ZFHX4: variants seen among roughly 807,000 people sequenced by gnomAD.
ZFHX4 encodes zinc finger homeobox protein 4.
In ZFHX4, 56 loss-of-function variants were observed where a neutral mutation model predicts 267.6. The ratio of observed to expected loss-of-function variants is 0.21; its 90% CI spans 0.17 to 0.26. ZFHX4 has a LOEUF of 0.26. Ranked by LOEUF, ZFHX4 falls within the 10% of genes least tolerant of loss-of-function variation. ZFHX4 has a pLI of 1.00. For missense variants in ZFHX4, 4,332 were observed against 4,420.0 expected (o/e 0.98, Z 0.56); for synonymous variants, 1,778 against 1,665.6 (o/e 1.07, Z -1.64).
chr8:76,729,010 A>T (rs1808929540), intron 3 of ZFHX4, among the ~76,000 whole-genome samples: 1 of 152,220 alleles, frequency 6.6e-6, no homozygotes, highest in East Asian at 1.9e-4. Context: ...AAGGTCAAAG[A>T]TAATTTAATG....
chr8:76,766,470 T>C (rs997324420), intron 3 of ZFHX4, among the ~76,000 whole-genome samples: 1 of 152,094 alleles, frequency 6.6e-6, no homozygotes, highest in Non-Finnish European at 1.5e-5. Context: ...AACTTAAATA[T>C]ATGAATATTA....
Position 76,778,231 on chromosome 8 carries a change from A to G in ZFHX4, c.3117A>G (p.Ala1039=). ...LYKHLQKQEG[A]VNPESCYYYC... ...AGCACTTGCAGAAGCAAGAGGGTGC[A>G]GTGAATCCCGAATCCTGCTATTACT... The change falls in exon 4 of 11, where the codon GCA becomes GCG. Residue 1039 remains alanine, a synonymous_variant. Coordinates refer to ENST00000651372, the MANE Select transcript of ZFHX4 (RefSeq NM_024721.5). The G allele has an allele frequency of 6.2e-7, 1 of 1,613,208 alleles. No homozygotes were observed. The highest frequency in any genetic ancestry group is 8.5e-7 in the Non-Finnish European group (1 of 1,179,252).
Position 76,704,102 on chromosome 8 carries a change from A to G in ZFHX4, c.14A>G (p.Asp5Gly), listed in dbSNP as rs1178421209. The G allele has an allele frequency of 6.2e-7, 1 of 1,607,076 alleles. No homozygotes were observed. Among genetic ancestry groups the G allele is most frequent in the Admixed American group, 1.7e-5 (1 of 59,262 alleles). Residue 5 changes from aspartate (D) to glycine (G), a missense_variant, in exon 2 of 11, where the codon GAC (aspartate) becomes GGC (glycine). Around this residue, in one of 7 missense-constraint regions of ZFHX4, gnomAD observed 1,195 missense variants for 1,173.6 expected, o/e 1.02. Coordinates refer to ENST00000651372, the MANE Select transcript of ZFHX4 (RefSeq NM_024721.5). Reference protein sequence around the residue: METCDSPPISRQENG... With the variant: METCGSPPISRQENG... ...GTAGCAATTGCCATGGAAACCTGTG[A>G]CTCCCCTCCTATCTCAAGGCAGGAA...
At chr8:76,850,601 C>T (rs1332762169) in intron 9 of ZFHX4, among the ~76,000 whole-genome samples, 1 of 152,166 alleles carries the variant, frequency 6.6e-6, no homozygotes, top group Non-Finnish European at 1.5e-5. Flanking sequence ...TCATGAACAC[C>T]AAGGGATGGC....
chr8:76,718,390 G>A (rs574053496), intron 3 of ZFHX4, among the ~76,000 whole-genome samples: 1 of 152,230 alleles, frequency 6.6e-6, no homozygotes, highest in South Asian at 2.1e-4. Flanking sequence ...GAGAAGAAAT[G>A]TGTCTAAAGG....
chr8:76,817,062 A>C (rs1010675840), intron 4 of ZFHX4, among the ~76,000 whole-genome samples: 41 of 151,954 alleles, frequency 2.7e-4, no homozygotes, highest in Admixed American at 5.9e-4. Flanking sequence ...GAAACACTTT[A>C]AAAAAAAGGT....
chr8:76,706,445 T>C lies in ZFHX4; in HGVS notation c.2357T>C (p.Met786Thr), dbSNP rs377486621. Reference sequence around the variant, plus strand: ...GTCGCCAGGAACCTCCGAATTCATATGACCAGCGAAAAGCACATGCATAAT... The same window carrying C: ...GTCGCCAGGAACCTCCGAATTCATACGACCAGCGAAAAGCACATGCATAAT... Reference protein sequence around the residue: ...TNVARNLRIHMTSEKHMHNMM... With the variant: ...TNVARNLRIHTTSEKHMHNMM... Residue 786 changes from methionine to threonine, a missense_variant, in exon 2 of 11, where the codon ATG (methionine) becomes ACG (threonine). By Grantham distance (81) the Met-to-Thr change is moderately conservative (BLOSUM62 -1). Transcript: ENST00000651372. 3 of 1,614,062 alleles carry C rather than the reference T, an allele frequency of 1.9e-6. No homozygotes were observed. Among genetic ancestry groups the C allele is most frequent in the African/African-American group, 2.7e-5 (2 of 74,952 alleles).
intron 3 of ZFHX4, among the ~76,000 whole-genome samples, chr8:76,730,173 A>G (rs549481024): frequency 2.7e-4 from 41 of 152,306 alleles, no homozygotes; most frequent in African/African-American, 9.4e-4. Context: ...CCTGGCAGAC[A>G]GGCAATATTA....
In ZFHX4 at chr8:76,849,135, A is replaced by T. The variant is rs777602837; in HGVS notation, c.3645+7A>T. 2.6e-6 allele frequency: 4 copies of T among 1,543,802 alleles called. No individual in the cohort carries two copies. The highest frequency in any genetic ancestry group is 2.6e-6 in the Non-Finnish European group (3 of 1,145,360). ...TAAATTCTGTCATGAACAGGTAAAT[A>T]CTTTTTTTCCCCTTTACTGTGTAAA... On this transcript the variant is annotated splice_region_variant and intron_variant, in intron 7 of 10. Coordinates refer to ENST00000651372, the MANE Select transcript of ZFHX4 (RefSeq NM_024721.5).
intron 3 of ZFHX4, among the ~76,000 whole-genome samples, chr8:76,720,513 C>T (rs1808691455): frequency 6.6e-6 from 1 of 152,114 alleles, no homozygotes; most frequent in Non-Finnish European, 1.5e-5. Context: ...GCTCTCTTTT[C>T]TCTTAGGGTA....
In ZFHX4 at chr8:76,852,691, T is replaced by A; in HGVS notation, c.5770T>A (p.Tyr1924Asn). The A allele has an allele frequency of 6.2e-7, 1 of 1,613,810 alleles. No homozygotes were observed. The highest frequency in any genetic ancestry group is 8.5e-7 in the Non-Finnish European group (1 of 1,179,830). Residue 1924 changes from tyrosine to asparagine, a missense_variant, in exon 10 of 11, where the codon TAT (tyrosine) becomes AAT (asparagine). Around this residue, in one of 7 missense-constraint regions of ZFHX4, gnomAD observed 1,371 missense variants for 1,423.1 expected, o/e 0.96. Transcript: ENST00000651372. ...CTTTGGTTTTGAACTGGTCATTCAG[T>A]ATAACGAAAACAGGCAGAAGGTACA... ...ENFGFELVIQ[Y>N]NENRQKVQKK...
At chr8:76,735,338 G>A (rs1809130653) in intron 3 of ZFHX4, among the ~76,000 whole-genome samples, 1 of 152,050 alleles carries the variant, frequency 6.6e-6, no homozygotes, top group Non-Finnish European at 1.5e-5. Flanking sequence ...AGTGTTACAA[G>A]AATATCCGGG....
intron 3 of ZFHX4, among the ~76,000 whole-genome samples, chr8:76,739,599 G>A (rs535825192): frequency 1.3e-5 from 2 of 152,002 alleles, no homozygotes; most frequent in East Asian, 3.9e-4. Context: ...TGTTTAATTG[G>A]GCCTAAGAAT....
At chr8:76,731,855 A>ACATTATTATTATTATTAT (rs2131663437) in intron 3 of ZFHX4, among the ~76,000 whole-genome samples, 1 of 110,138 alleles carries the variant, frequency 9.1e-6, no homozygotes, top group Admixed American at 1.1e-4. Context: ...TTGGTGCCAC[A>ACATTATTATTATTATTAT]CATTATTATT....
At chr8:76,801,006 A>T (rs1811104224) in intron 4 of ZFHX4, among the ~76,000 whole-genome samples, 1 of 152,146 alleles carries the variant, frequency 6.6e-6, no homozygotes, top group African/African-American at 2.4e-5. Flanking sequence ...CATTTTAGAA[A>T]ACATTCTTTT....
chr8:76,843,826 C>T (rs192294662), intron 6 of ZFHX4, among the ~76,000 whole-genome samples: 60 of 152,224 alleles, frequency 3.9e-4, no homozygotes, highest in African/African-American at 1.4e-3. Flanking sequence ...AATCATCCCA[C>T]GTTTGTACTT....
At chr8:76,760,448 G>A (rs1283516146) in intron 3 of ZFHX4, among the ~76,000 whole-genome samples, 1 of 152,166 alleles carries the variant, frequency 6.6e-6, no homozygotes, top group African/African-American at 2.4e-5. Context: ...TGGAGGTACA[G>A]TTTGAGAGTA....
At chr8:76,682,189 G>C (rs1807551807) in intron 1 of ZFHX4, among the ~76,000 whole-genome samples, 1 of 152,078 alleles carries the variant, frequency 6.6e-6, no homozygotes, top group Non-Finnish European at 1.5e-5. Context: ...GACGTTGGTC[G>C]GTGGGGCTGG....
rs1447527898 is a variant in ZFHX4, at chr8:76,704,159, C to A, written c.71C>A (p.Thr24Lys). Residue 24 changes from threonine to lysine, a missense_variant, in exon 2 of 11, where the codon ACG becomes AAG. Physicochemically the swap from Thr to Lys is moderately conservative, Grantham distance 78 (BLOSUM62 -1). This residue lies in a region of ZFHX4 where 1,195 missense variants were observed against 1,173.6 expected (regional missense o/e 1.02). Coordinates refer to ENST00000651372, the MANE Select transcript of ZFHX4 (RefSeq NM_024721.5). ...NGQSTSKLCG[T>K]TQLDNEVPEK... Reference sequence around the variant, plus strand: ...CAGAGCACATCAAAGCTATGTGGAACGACACAACTTGATAATGAGGTGCCA... The same window carrying A: ...CAGAGCACATCAAAGCTATGTGGAAAGACACAACTTGATAATGAGGTGCCA... 6.2e-7 allele frequency: 1 copy of A among 1,613,752 alleles called. No individual in the cohort carries two copies. Among genetic ancestry groups the A allele is most frequent in the African/African-American group, 1.3e-5 (1 of 74,870 alleles).
Sources: gnomAD v4.1 joint callset for allele counts (sites outside exome capture counted in the v4.1 genomes callset) on GRCh38, gnomAD v4.1.1 for gene constraint, gnomAD v4.1.1 regional missense constraint, MANE v1.5 for transcripts, NCBI Gene and HGNC (gene_info 2026-07-23, HGNC 2026-07-21) for gene names.